KCTD16: variants seen among roughly 807,000 people sequenced by gnomAD.
KCTD16 encodes potassium channel tetramerization domain containing 16.
A neutral mutation model predicts 33.2 loss-of-function variants in KCTD16; 13 were observed. The observed-to-expected ratio is 0.39, with a 90% CI of 0.25 to 0.62. The LOEUF (loss-of-function observed/expected upper bound fraction) is 0.62, where lower values mean the gene tolerates loss of function less well. KCTD16 is among the 20% of genes least tolerant of loss of function. KCTD16 has a pLI of 0.50. For synonymous variants in KCTD16, 197 were observed against 195.3 expected (o/e 1.01, Z -0.07); for missense variants, 441 against 525.1 (o/e 0.84, Z 1.57).
chr5:144,336,945 T>A (rs1752507924), intron 3 of KCTD16, among the ~76,000 whole-genome samples: 1 of 151,766 alleles, frequency 6.6e-6, no homozygotes, highest in African/African-American at 2.4e-5. Context: ...TGGATGGGTG[T>A]CAGTGTTCAT....
In KCTD16 at chr5:144,485,537, A is replaced by C. The variant is rs978571391; in HGVS notation, c.*11423A>C. ...AAACTACAAAAGTCATTCTGTGGAT[A>C]TATTTTAAAAGGAAGAACAGAAACT... On this transcript the variant is annotated 3_prime_UTR_variant, in exon 4 of 4. Coordinates refer to ENST00000512467, the MANE Select transcript of KCTD16 (RefSeq NM_020768.4). 6.6e-6 allele frequency: 1 copy of C among 151,952 alleles called. No individual in the cohort carries two copies. Among genetic ancestry groups the C allele is most frequent in the Non-Finnish European group, 1.5e-5 (1 of 67,918 alleles). The allele number at this position is 151,952 out of a possible 1,614,324, so 9.4% of individuals were successfully genotyped here.
At chr5:144,382,026 A>ATACC (rs1420733679) in intron 3 of KCTD16, among the ~76,000 whole-genome samples, 1 of 151,848 alleles carries the variant, frequency 6.6e-6, no homozygotes, top group African/African-American at 2.4e-5. Flanking sequence ...ATATACATAC[A>ATACC]TACATACATA....
intron 3 of KCTD16, among the ~76,000 whole-genome samples, chr5:144,374,489 A>T (rs1243490140): frequency 6.6e-6 from 1 of 152,138 alleles, no homozygotes; most frequent in Non-Finnish European, 1.5e-5. Context: ...TCATCTGCTA[A>T]ATGTTGTGAT....
intron 3 of KCTD16, among the ~76,000 whole-genome samples, chr5:144,421,761 A>G (rs1027146968): frequency 2.0e-5 from 3 of 152,094 alleles, no homozygotes; most frequent in African/African-American, 7.2e-5. Flanking sequence ...AATGATAAAG[A>G]TGAGGAATGT....
intron 3 of KCTD16, among the ~76,000 whole-genome samples, chr5:144,362,785 C>G (rs898385058): frequency 1.3e-5 from 2 of 152,058 alleles, no homozygotes; most frequent in Admixed American, 1.3e-4. Context: ...AAACCCAAGC[C>G]CTGCCACTGG....
intron 3 of KCTD16, among the ~76,000 whole-genome samples, chr5:144,444,840 A>T (rs764285267): frequency 4.0e-5 from 6 of 148,412 alleles, no homozygotes; most frequent in Middle Eastern, 3.3e-3. Flanking sequence ...TTCAAAATGT[A>T]ATATATATAT....
intron 3 of KCTD16, among the ~76,000 whole-genome samples, chr5:144,243,830 G>A (rs539483250): frequency 1.2e-4 from 19 of 152,104 alleles, no homozygotes; most frequent in African/African-American, 3.9e-4. Context: ...TGCAACCTCC[G>A]CCTCCTGGGT....
chr5:144,244,934 A>G (rs1754508318), intron 3 of KCTD16, among the ~76,000 whole-genome samples: 2 of 152,206 alleles, frequency 1.3e-5, no homozygotes, highest in African/African-American at 2.4e-5. Context: ...CTGTAACATC[A>G]TTAGGCATTA....
At chr5:144,245,943 G>A (rs1406877714) in intron 3 of KCTD16, among the ~76,000 whole-genome samples, 5 of 152,162 alleles carry the variant, frequency 3.3e-5, no homozygotes, top group Admixed American at 2.6e-4. Context: ...TCTCTTTATA[G>A]CAATGTAAGA....
At chr5:144,366,847 A>C (rs962175873) in intron 3 of KCTD16, among the ~76,000 whole-genome samples, 4 of 152,206 alleles carry the variant, frequency 2.6e-5, no homozygotes, top group Non-Finnish European at 2.9e-5. Flanking sequence ...AGATCCAATC[A>C]GACTCTCACT....
intron 3 of KCTD16, among the ~76,000 whole-genome samples, chr5:144,259,285 G>A (rs1416617605): frequency 3.8e-4 from 49 of 128,134 alleles, no homozygotes; most frequent in East Asian, 2.2e-4. Flanking sequence ...AAAAAAAAAA[G>A]GGATGAAGCA....
chr5:144,434,578 G>C (rs1158543115), intron 3 of KCTD16, among the ~76,000 whole-genome samples: 1 of 152,026 alleles, frequency 6.6e-6, no homozygotes, highest in Non-Finnish European at 1.5e-5. Flanking sequence ...CAGTTTTCAG[G>C]TAATGTTATA....
chr5:144,281,560 C>T (rs534507967), intron 3 of KCTD16, among the ~76,000 whole-genome samples: 1 of 151,920 alleles, frequency 6.6e-6, no homozygotes, highest in Non-Finnish European at 1.5e-5. Flanking sequence ...AGAAAAAGAC[C>T]TTGCATTATT....
chr5:144,380,640 G>T (rs962290639), intron 3 of KCTD16, among the ~76,000 whole-genome samples: 5 of 152,010 alleles, frequency 3.3e-5, no homozygotes, highest in African/African-American at 9.7e-5. Flanking sequence ...TACAAAACCA[G>T]ACACATAGAT....
At chr5:144,299,106 A>ACTATGTG in intron 3 of KCTD16, among the ~76,000 whole-genome samples, 1 of 9,080 alleles carries the variant, frequency 1.1e-4, no homozygotes, top group Non-Finnish European at 2.0e-4. Flanking sequence ...GTATATATAT[A>ACTATGTG]TATATATATA....
At chr5:144,427,797 T>TA (rs1753365438) in intron 3 of KCTD16, among the ~76,000 whole-genome samples, 1 of 152,116 alleles carries the variant, frequency 6.6e-6, no homozygotes. Context: ...GGAAATAACA[T>TA]AGACTTTGAA....
chr5:144,404,005 C>T (rs980827582), intron 3 of KCTD16, among the ~76,000 whole-genome samples: 6 of 152,094 alleles, frequency 3.9e-5, no homozygotes, highest in African/African-American at 4.8e-5. Context: ...CCGTGCGCAT[C>T]CCCCCAGGCC....
intron 3 of KCTD16, among the ~76,000 whole-genome samples, chr5:144,256,476 G>GAATC (rs1754851773): frequency 6.6e-6 from 1 of 152,116 alleles, no homozygotes; most frequent in Non-Finnish European, 1.5e-5. Flanking sequence ...TTGTCAAACA[G>GAATC]AATCACCCAT....
intron 3 of KCTD16, among the ~76,000 whole-genome samples, chr5:144,240,548 T>C (rs1754374989): frequency 6.6e-6 from 1 of 152,170 alleles, no homozygotes; most frequent in Admixed American, 6.5e-5. Context: ...AATCTCAGTA[T>C]AATACATTAG....
Sources: allele counts gnomAD v4.1 joint callset (sites outside exome capture counted in the v4.1 genomes callset), GRCh38; gene constraint gnomAD v4.1.1; transcripts MANE v1.5; gene names NCBI Gene and HGNC (gene_info 2026-07-23, HGNC 2026-07-21).